Variants in FGF14 observed in about 807,000 individuals in gnomAD.
FGF14 encodes fibroblast growth factor 14.
FGF14 carries 5 observed loss-of-function variants against 25.5 expected under a neutral mutation model. That is an observed-to-expected ratio of 0.20 (90% CI 0.10 to 0.41). The LOEUF (loss-of-function observed/expected upper bound fraction) is 0.41. Among genes scored for constraint, FGF14 ranks in the 10% least tolerant of loss-of-function variants. The pLI, the probability that FGF14 is intolerant of heterozygous loss-of-function variation, is 1.00. For synonymous variants in FGF14, 138 were observed against 118.3 expected, an observed-to-expected ratio of 1.17 and a Z score of -1.08; for missense variants, 222 against 320.1, an observed-to-expected ratio of 0.69 and a Z score of 2.34.
chr13:102,243,543 A>C (rs1304394911), intron 1 of FGF14, among the ~76,000 whole-genome samples: 2 of 152,102 alleles, frequency 1.3e-5, no homozygotes, highest in Non-Finnish European at 2.9e-5. Flanking sequence ...TACTGATATA[A>C]AATAAGTTGG....
At chr13:101,905,958 C>A (rs1399279014) in intron 1 of FGF14, among the ~76,000 whole-genome samples, 1 of 152,136 alleles carries the variant, frequency 6.6e-6, no homozygotes, top group African/African-American at 2.4e-5. Flanking sequence ...CAACAACACC[C>A]TGTTGTTGGG....
At chr13:102,144,463 T>A (rs1286383253) in intron 1 of FGF14, among the ~76,000 whole-genome samples, 1 of 152,012 alleles carries the variant, frequency 6.6e-6, no homozygotes, top group Non-Finnish European at 1.5e-5. Flanking sequence ...TACATCAAAT[T>A]TATATTAAAT....
intron 1 of FGF14, among the ~76,000 whole-genome samples, chr13:102,219,765 G>A (rs186582043): frequency 1.6e-4 from 24 of 152,216 alleles, no homozygotes; most frequent in African/African-American, 5.1e-4. Flanking sequence ...AAAGGCAAAA[G>A]ATTTTCTTTT....
At chr13:101,915,286 C>G (rs1044724217) in intron 1 of FGF14, among the ~76,000 whole-genome samples, 2 of 152,146 alleles carry the variant, frequency 1.3e-5, no homozygotes, top group Non-Finnish European at 2.9e-5. Context: ...AATGTAAGGA[C>G]ACGCACTCAC....
intron 1 of FGF14, among the ~76,000 whole-genome samples, chr13:101,943,005 C>G (rs1570471): frequency 0.024 from 3,652 of 152,266 alleles, 135 homozygotes; most frequent in African/African-American, 0.084. Context: ...CACTTTCTGC[C>G]CTGCACAGCA....
At chr13:102,258,169 A>G (rs1455174607) in intron 1 of FGF14, among the ~76,000 whole-genome samples, 1 of 152,128 alleles carries the variant, frequency 6.6e-6, no homozygotes, top group East Asian at 1.9e-4. Flanking sequence ...AGTATGGGGA[A>G]GCTGCCCCCA....
intron 1 of FGF14, among the ~76,000 whole-genome samples, chr13:102,037,518 C>G (rs1211694930): frequency 6.6e-6 from 1 of 152,078 alleles, no homozygotes; most frequent in East Asian, 1.9e-4. Flanking sequence ...GGAAAATCTC[C>G]CTATATCCAT....
intron 1 of FGF14, among the ~76,000 whole-genome samples, chr13:101,927,304 C>G (rs737207): frequency 0.4 from 61,426 of 152,086 alleles, 13,655 homozygotes; most frequent in East Asian, 0.75. Context: ...GCAAATGAAT[C>G]TCTCCCCGAC....
At chr13:101,943,297 T>C (rs1268316113) in intron 1 of FGF14, among the ~76,000 whole-genome samples, 2 of 152,140 alleles carry the variant, frequency 1.3e-5, no homozygotes, top group African/African-American at 4.8e-5. Flanking sequence ...ATCTACTAGA[T>C]TGTGAATTGC....
chr13:102,302,453 T>C (rs2055118078), intron 1 of FGF14, among the ~76,000 whole-genome samples: 1 of 152,122 alleles, frequency 6.6e-6, no homozygotes, highest in African/African-American at 2.4e-5. Flanking sequence ...GCCTTGTCAC[T>C]ATCTATACTG....
At chr13:101,849,817 C>A (rs147373763) in intron 3 of FGF14, among the ~76,000 whole-genome samples, 5 of 152,070 alleles carry the variant, frequency 3.3e-5, no homozygotes, top group Admixed American at 1.3e-4. Flanking sequence ...TCATGAGCAC[C>A]AGGTCAAACT....
intron 1 of FGF14, among the ~76,000 whole-genome samples, chr13:102,289,325 T>C (rs1454654193): frequency 1.3e-5 from 2 of 152,170 alleles, no homozygotes; most frequent in Non-Finnish European, 2.9e-5. Flanking sequence ...TTACTTTTAA[T>C]GGTGTGATAA....
At chr13:101,806,144 G>A (rs1316382582) in intron 3 of FGF14, among the ~76,000 whole-genome samples, 2 of 151,764 alleles carry the variant, frequency 1.3e-5, no homozygotes, top group African/African-American at 2.4e-5. Flanking sequence ...AAATATGGCC[G>A]GGAGCAGTGG....
intron 1 of FGF14, among the ~76,000 whole-genome samples, chr13:102,211,334 A>G (rs2050150530): frequency 6.6e-6 from 1 of 152,200 alleles, no homozygotes. Context: ...CTAAGAAAAC[A>G]TTTTAAAGAA....
chr13:102,401,820 AG>A (rs1410967233), upstream of FGF14: 2 of 744,980 alleles, frequency 2.7e-6, no homozygotes, highest in Non-Finnish European at 4.5e-6. Context: ...TTATTACCAA[AG>A]GGTTGGAGAA....
chr13:101,983,321 A>G (rs1031705746), intron 1 of FGF14, among the ~76,000 whole-genome samples: 15 of 152,194 alleles, frequency 9.9e-5, no homozygotes, highest in African/African-American at 3.4e-4. Flanking sequence ...AAGGGGTCCA[A>G]TAAATACTGA....
At chr13:101,876,293 T>C (rs2045388252) in intron 1 of FGF14, among the ~76,000 whole-genome samples, 1 of 152,156 alleles carries the variant, frequency 6.6e-6, no homozygotes, top group South Asian at 2.1e-4. Flanking sequence ...ATCATAATCT[T>C]CACCATGGCA....
chr13:102,310,843 G>T (rs1594815417), intron 1 of FGF14, among the ~76,000 whole-genome samples: 1 of 151,850 alleles, frequency 6.6e-6, no homozygotes, highest in Non-Finnish European at 1.5e-5. Flanking sequence ...TAATCATTTG[G>T]GGCCAGATTC....
rs35081290 is a variant in FGF14 at position 101,952,413 on chromosome 13, CTT to C, written c.209-77119_209-77118del. Among the ~76,000 whole-genome samples, 66 of 146,814 alleles carry C rather than the reference CTT, an allele frequency of 4.5e-4. 1 individual carries two copies. The highest frequency in any genetic ancestry group is 1.6e-3 in the African/African-American group (63 of 40,232). ...CTGCTTCTTTGTCCGTTTTTGGCTA[CTT>C]TTTTTTTTTTCTGTCTTTATTGTCT... On this transcript the variant is annotated intron_variant, in intron 1 of 4. Transcript: ENST00000376131.
Sources: gnomAD v4.1 joint callset for allele counts (sites outside exome capture counted in the v4.1 genomes callset) on GRCh38, gnomAD v4.1.1 for gene constraint, MANE v1.5 for transcripts, NCBI Gene and HGNC (gene_info 2026-07-23, HGNC 2026-07-21) for gene names.